NEURL1B: variants seen among roughly 807,000 people sequenced by gnomAD.
The protein encoded by NEURL1B is E3 ubiquitin-protein ligase NEURL1B.
A neutral mutation model predicts 37.4 loss-of-function variants in NEURL1B; 13 were observed. That is an observed-to-expected ratio of 0.35 (90% CI 0.23 to 0.55). The LOEUF (loss-of-function observed/expected upper bound fraction) is 0.55, where lower values mean the gene tolerates loss of function less well. NEURL1B is among the 20% of genes least tolerant of loss of function. The probability of loss-of-function intolerance (pLI) is 0.89; values close to 1 mark genes in which losing one functional copy is unlikely to be tolerated. For missense variants in NEURL1B, 790 were observed against 879.2 expected (o/e 0.90, Z 1.28); for synonymous variants, 432 against 426.6 (o/e 1.01, Z -0.16).
At chr5:172,653,379 T>C (rs1757704607) in intron 1 of NEURL1B, among the ~76,000 whole-genome samples, 2 of 152,192 alleles carry the variant, frequency 1.3e-5, no homozygotes. Context: ...ACCTTTATAT[T>C]AGTGTGTCAA....
In NEURL1B at chr5:172,686,624, A is replaced by G. The variant is rs1758502546; in HGVS notation, c.1424-57A>G. On this transcript the variant is annotated intron_variant, in intron 4 of 4. Transcript: ENST00000369800. This position sits in a 1 kb window ranked among gnomAD's most constrained non-coding sequence, Gnocchi z 7.9. Reference sequence around the variant, plus strand: ...GCCCTGCATTCTCGGGGTTGCCCCAACAGAGCCCACCTGAGAGAGACATTG... The same window carrying G: ...GCCCTGCATTCTCGGGGTTGCCCCAGCAGAGCCCACCTGAGAGAGACATTG... 3 of 1,517,370 alleles carry G rather than the reference A, an allele frequency of 2.0e-6. No individual in the cohort carries two copies. The highest frequency in any genetic ancestry group is 2.8e-5 in the African/African-American group (2 of 72,610). 94.0% of individuals were successfully genotyped at this position (1,517,370 alleles called of 1,614,324 possible).
chr5:172,664,725 T>C (rs1051000937), intron 1 of NEURL1B, among the ~76,000 whole-genome samples: 1 of 152,222 alleles, frequency 6.6e-6, no homozygotes, highest in African/African-American at 2.4e-5. Context: ...GCTTATTGTT[T>C]TTCTTTTATT....
At chr5:172,680,001 G>A (rs896210625) in intron 2 of NEURL1B, among the ~76,000 whole-genome samples, 8 of 152,124 alleles carry the variant, frequency 5.3e-5, no homozygotes, top group South Asian at 4.2e-4. Flanking sequence ...AGATGGCTTC[G>A]TAGAGCCTTT....
rs1476107853 is a variant in NEURL1B at position 172,683,597 on chromosome 5, C to T, written c.756C>T (p.Ala252=). 6.3e-6 allele frequency: 8 copies of T among 1,276,632 alleles called. No homozygotes were observed. The highest frequency in any genetic ancestry group is 7.9e-6 in the Non-Finnish European group (8 of 1,012,050). The allele number at this position is 1,276,632 out of a possible 1,614,324, so 79.1% of individuals were successfully genotyped here. A position where few individuals can be genotyped will look rare whatever the true frequency, so the allele number is the denominator to read the frequency against. ...GCCGCGCCCCGGGCCCACCGCCAGC[C>T]GACGCCGCGGCCGCCGCCATTCCGT... ...ALGRAPGPPP[A]DAAAAAIPCG... is the part of the protein sequence containing the mutation. The change falls in exon 3 of 5, where the codon GCC becomes GCT. Residue 252 remains alanine, a synonymous_variant. Transcript: ENST00000369800. The surrounding 1 kb of genome is among the most constrained non-coding windows in gnomAD (Gnocchi z 5.6).
intron 1 of NEURL1B, chr5:172,656,833 A>G: frequency 1.6e-6 from 1 of 615,594 alleles, no homozygotes. Flanking sequence ...CCATGTCCTC[A>G]TCTTTAGGAT....
intron 2 of NEURL1B, among the ~76,000 whole-genome samples, chr5:172,681,242 T>C (rs946318327): frequency 2.0e-5 from 3 of 152,144 alleles, no homozygotes; most frequent in African/African-American, 7.2e-5. Flanking sequence ...ACCATATCAG[T>C]AGCATACAAG....
intron 3 of NEURL1B, 134 bp downstream of exon 3, chr5:172,684,272 A>G: frequency 1.3e-6 from 1 of 776,246 alleles, no homozygotes; most frequent in Non-Finnish European, 1.7e-6. Context: ...GCGGTTCCCA[A>G]CTTTAAGCGC....
chr5:172,644,066 G>A (rs763284263), intron 1 of NEURL1B, among the ~76,000 whole-genome samples: 3 of 152,048 alleles, frequency 2.0e-5, no homozygotes, highest in Admixed American at 6.5e-5. Flanking sequence ...TATGCGACAC[G>A]CTGTATGTGT....
intron 1 of NEURL1B, among the ~76,000 whole-genome samples, chr5:172,664,238 C>CA (rs1757964470): frequency 6.6e-6 from 1 of 152,108 alleles, no homozygotes; most frequent in Non-Finnish European, 1.5e-5. Context: ...GGTCATATCT[C>CA]AACGCTGCCC....
chr5:172,658,593 G>A (rs13171053), intron 1 of NEURL1B, among the ~76,000 whole-genome samples: 1,715 of 152,290 alleles, frequency 0.011, 21 homozygotes, highest in Non-Finnish European at 0.015. Context: ...CTTCCCTGCA[G>A]GGATGACTTC....
intron 1 of NEURL1B, among the ~76,000 whole-genome samples, chr5:172,668,536 C>T (rs1169240901): frequency 1.3e-5 from 2 of 152,154 alleles, no homozygotes; most frequent in African/African-American, 4.8e-5. Context: ...CCATCAGGCT[C>T]AGGATTCATC....
intron 1 of NEURL1B, among the ~76,000 whole-genome samples, chr5:172,651,652 G>T (rs1436790741): frequency 6.6e-6 from 1 of 152,176 alleles, no homozygotes; most frequent in Non-Finnish European, 1.5e-5. Context: ...AGCCCCATTT[G>T]TTCAGCTATT....
chr5:172,667,275 T>A (rs1378534424), intron 1 of NEURL1B, among the ~76,000 whole-genome samples: 30 of 72,266 alleles, frequency 4.2e-4, no homozygotes, highest in African/African-American at 6.4e-4. Flanking sequence ...CTGTCTCTAC[T>A]AAAAAAAAAA....
rs1316766301 is a variant in NEURL1B, at chr5:172,665,074, ACT to A, written c.32-4706_32-4705del. Among the ~76,000 whole-genome samples the A allele has an allele frequency of 1.3e-5, 2 of 152,194 alleles. No homozygotes were observed. Among genetic ancestry groups the A allele is most frequent in the African/African-American group, 2.4e-5 (1 of 41,444 alleles). ...GATTCCCAAGCCCTTCTGTAAAGAA[ACT>A]CTCTGACTGAGAGATGAGGTCGGAA... On this transcript the variant is annotated intron_variant, in intron 1 of 4. Transcript: ENST00000369800. The surrounding 1 kb of genome is among the most constrained non-coding windows in gnomAD (Gnocchi z 4.1).
intron 1 of NEURL1B, among the ~76,000 whole-genome samples, chr5:172,644,821 G>C (rs1015404585): frequency 6.6e-6 from 1 of 152,144 alleles, no homozygotes. Flanking sequence ...TATTTGAAGG[G>C]AGAAAAAAAG....
In NEURL1B at chr5:172,661,215, T is replaced by C. The variant is rs1205505709; in HGVS notation, c.32-8570T>C. 1.3e-5 allele frequency among the ~76,000 whole-genome samples: 2 copies of C among 152,174 alleles called. No homozygotes were observed. Among genetic ancestry groups the C allele is most frequent in the African/African-American group, 4.8e-5 (2 of 41,434 alleles). ...TCAAGGTCTACAGTCCAAGGACGCA[T>C]GTTATAAAGGTCCAGGTCCAGGAAG... is the stretch of plus-strand genomic sequence containing the variant. On this transcript the variant is annotated intron_variant, in intron 1 of 4. Transcript: ENST00000369800. This position sits in a 1 kb window ranked among gnomAD's most constrained non-coding sequence, Gnocchi z 4.0.
Position 172,683,855 on chromosome 5 carries a change from G to T in NEURL1B, c.1014G>T (p.Leu338=). The T allele has an allele frequency of 7.3e-7, 1 of 1,362,304 alleles. No homozygotes were observed. The highest frequency in any genetic ancestry group is 3.4e-5 in the East Asian group (1 of 29,808). 84.4% of individuals were successfully genotyped at this position (1,362,304 alleles called of 1,614,324 possible). Reference sequence around the variant, plus strand: ...CGGGGCTGGCGGCGCCCGGCGCGCTGGCCTTCGGCATCACGTCGTGCGACC... The same window carrying T: ...CGGGGCTGGCGGCGCCCGGCGCGCTTGCCTTCGGCATCACGTCGTGCGACC... ...GRPGLAAPGA[L]AFGITSCDPG... The change falls in exon 3 of 5, where the codon CTG becomes CTT. Residue 338 remains leucine, a synonymous_variant. Coordinates refer to ENST00000369800, the MANE Select transcript of NEURL1B (RefSeq NM_001142651.3). The surrounding 1 kb of genome is among the most constrained non-coding windows in gnomAD (Gnocchi z 5.6).
rs537842311 is a variant in NEURL1B at position 172,657,806 on chromosome 5, C to T, written c.32-11979C>T. 3.5e-4 allele frequency among the ~76,000 whole-genome samples: 54 copies of T among 152,294 alleles called. No individual in the cohort carries two copies. In the Middle Eastern group the frequency reaches 0.01, roughly 29 times the overall value. ...CCGCAGTCATCCGGAGGCCTAAACCCCTCCCTGTGGTGCTGTGCTTCAATG... is the reference window on the plus strand; with the variant it reads ...CCGCAGTCATCCGGAGGCCTAAACCTCTCCCTGTGGTGCTGTGCTTCAATG... On this transcript the variant is annotated intron_variant, in intron 1 of 4. Coordinates refer to ENST00000369800, the MANE Select transcript of NEURL1B (RefSeq NM_001142651.3). The surrounding 1 kb of genome is among the most constrained non-coding windows in gnomAD (Gnocchi z 4.0).
At chr5:172,650,348 T>C (rs1757638546) in intron 1 of NEURL1B, among the ~76,000 whole-genome samples, 1 of 152,194 alleles carries the variant, frequency 6.6e-6, no homozygotes, top group Non-Finnish European at 1.5e-5. Context: ...ACTTCAGCCC[T>C]GCAGATAGGT....
Sources: gnomAD v4.1 joint callset for allele counts (sites outside exome capture counted in the v4.1 genomes callset) on GRCh38, gnomAD v4.1.1 for gene constraint, Gnocchi (gnomAD v3.1) non-coding constraint, MANE v1.5 for transcripts, NCBI Gene and HGNC (gene_info 2026-07-23, HGNC 2026-07-21) for gene names.